Variants in NEIL3 observed in about 807,000 individuals in gnomAD.
NEIL3 encodes the protein nei like DNA glycosylase 3.
In NEIL3, 48 loss-of-function variants were observed where a neutral mutation model predicts 57.5. That is an observed-to-expected ratio of 0.83 (90% CI 0.66 to 1.06). The LOEUF (loss-of-function observed/expected upper bound fraction) is 1.06. Ranked by LOEUF, NEIL3 falls within the 50% of genes least tolerant of loss-of-function variation. The pLI is 0.00. For synonymous variants in NEIL3, 261 were observed against 253.2 expected, an observed-to-expected ratio of 1.03 and a Z score of -0.29; for missense variants, 717 against 739.1, an observed-to-expected ratio of 0.97 and a Z score of 0.35.
chr4:177,364,374 C>T (rs1735665303), downstream of NEIL3, among the ~76,000 whole-genome samples: 1 of 152,134 alleles, frequency 6.6e-6, no homozygotes, highest in Non-Finnish European at 1.5e-5. Context: ...GGTGATTTCC[C>T]ATTTTTTACA....
intron 9 of NEIL3, among the ~76,000 whole-genome samples, chr4:177,361,713 G>A (rs916089211): frequency 6.6e-6 from 1 of 151,726 alleles, no homozygotes; most frequent in Non-Finnish European, 1.5e-5. Context: ...GTCTGCGTAA[G>A]TATTTGATTC....
downstream of NEIL3, among the ~76,000 whole-genome samples, chr4:177,364,512 A>G (rs1374105775): frequency 6.6e-6 from 1 of 152,220 alleles, no homozygotes; most frequent in Non-Finnish European, 1.5e-5. Context: ...ACTGGGAAGT[A>G]AGGGGGAAAT....
At chr4:177,341,697 C>A in intron 6 of NEIL3, 55 bp downstream of exon 6, 1 of 1,436,212 alleles carries the variant, frequency 7.0e-7, no homozygotes. Flanking sequence ...AACTAAAAGG[C>A]TAATAATCTG....
At position 177,337,324 on chromosome 4, in the gene NEIL3, C is replaced by G. The variant is rs34034165; in HGVS notation, c.627+1003C>G. On this transcript the variant is annotated intron_variant, in intron 4 of 9. Transcript: ENST00000264596. ...GCTGAATTATTTTTTACATAATTGA[C>G]TCTATTAACTAAATTATCTTTTACA... 7.3e-3 allele frequency among the ~76,000 whole-genome samples: 1,107 copies of G among 152,140 alleles called. 12 individuals are homozygous for G. Among genetic ancestry groups the G allele is most frequent in the African/African-American group, 0.025 (1,035 of 41,498 alleles).
At chr4:177,338,928 A>G (rs1052500040) in intron 4 of NEIL3, among the ~76,000 whole-genome samples, 1 of 152,154 alleles carries the variant, frequency 6.6e-6, no homozygotes, top group Admixed American at 6.5e-5. Flanking sequence ...GAAGATGTCT[A>G]ATACAGAATA....
intron 1 of NEIL3, among the ~76,000 whole-genome samples, chr4:177,321,397 T>C (rs1734682102): frequency 6.6e-6 from 1 of 152,098 alleles, no homozygotes; most frequent in African/African-American, 2.4e-5. Context: ...TGTCTTAAGT[T>C]TTACATTTTT....
chr4:177,348,139 T>G (rs1735261481), intron 6 of NEIL3, among the ~76,000 whole-genome samples: 1 of 152,244 alleles, frequency 6.6e-6, no homozygotes, highest in Admixed American at 6.5e-5. Context: ...ACCAGCATTT[T>G]CTGAAGGGCT....
intron 2 of NEIL3, among the ~76,000 whole-genome samples, chr4:177,333,495 C>T (rs1287120111): frequency 6.6e-6 from 1 of 152,078 alleles, no homozygotes; most frequent in Admixed American, 6.6e-5. Context: ...ACTTTGGCAC[C>T]AAAAACTTCT....
chr4:177,320,648 T>C (rs1019243836), intron 1 of NEIL3, among the ~76,000 whole-genome samples: 4 of 151,232 alleles, frequency 2.6e-5, no homozygotes, highest in African/African-American at 9.7e-5. Flanking sequence ...CGGCTAATTT[T>C]TTTTGTATTT....
At chr4:177,330,748 A>T (rs1734869645) in intron 2 of NEIL3, among the ~76,000 whole-genome samples, 1 of 152,234 alleles carries the variant, frequency 6.6e-6, no homozygotes, top group African/African-American at 2.4e-5. Context: ...TATTTTATTA[A>T]CCTATACAAA....
Position 177,353,430 on chromosome 4 carries a change from A to G in NEIL3, c.1162A>G (p.Thr388Ala), listed in dbSNP as rs1241672361. 5.6e-6 allele frequency: 9 copies of G among 1,613,876 alleles called. No homozygotes were observed. In the African/African-American group the frequency reaches 6.7e-5, roughly 12 times the overall value. ...KINRKTAFGT[T>A]TLVLTDFSNK... ...CAACAGAAAAACTGCATTTGGAACT[A>G]CAACTCTTGTCTTGACTGATTTTAG... is the stretch of plus-strand genomic sequence containing the variant. The change falls in exon 8 of 10, where the codon ACA (threonine) becomes GCA (alanine). Residue 388 changes from threonine to alanine, a missense_variant. Transcript: ENST00000264596.
rs144866841 is a variant in NEIL3, at chr4:177,320,512, G to C, written c.157-1947G>C. On this transcript the variant is annotated intron_variant, in intron 1 of 9. Coordinates refer to ENST00000264596, the MANE Select transcript of NEIL3 (RefSeq NM_018248.3). ...TTTTTTTTTGAAACGGAGTCTCGCT[G>C]TGTCTCCCAGGCTGGTGTGCAGTGG... is the stretch of plus-strand genomic sequence containing the variant. Among the ~76,000 whole-genome samples the C allele has an allele frequency of 8.4e-4, 100 of 118,922 alleles. 1 individual carries two copies. Among genetic ancestry groups the C allele is most frequent in the African/African-American group, 2.9e-3 (89 of 30,810 alleles). The allele number at this position is 118,922 out of a possible 152,430, so 78.0% of individuals were successfully genotyped here. A position where few individuals can be genotyped will look rare whatever the true frequency, so the allele number is the denominator to read the frequency against.
chr4:177,331,436 C>T (rs1734882799), intron 2 of NEIL3, among the ~76,000 whole-genome samples: 1 of 151,240 alleles, frequency 6.6e-6, no homozygotes, highest in East Asian at 1.9e-4. Flanking sequence ...TATGTTAAAT[C>T]ATTAACATAT....
chr4:177,314,368 T>C (rs554214542), intron 1 of NEIL3, among the ~76,000 whole-genome samples: 79 of 152,352 alleles, frequency 5.2e-4, no homozygotes, highest in Non-Finnish European at 1.0e-3. Context: ...CATCTGATCA[T>C]CTTGATTTTG....
intron 1 of NEIL3, among the ~76,000 whole-genome samples, chr4:177,315,498 A>G (rs1000107506): frequency 3.9e-5 from 6 of 152,232 alleles, no homozygotes; most frequent in African/African-American, 1.4e-4. Context: ...GGGAAAGTCA[A>G]GTGTATATTG....
At chr4:177,326,962 G>T (rs996557496) in intron 2 of NEIL3, among the ~76,000 whole-genome samples, 2 of 152,108 alleles carry the variant, frequency 1.3e-5, no homozygotes, top group African/African-American at 4.8e-5. Context: ...ATTCCCATGT[G>T]TCGAGGTGTG....
chr4:177,352,790 A>G (rs964963311), intron 7 of NEIL3, among the ~76,000 whole-genome samples: 14 of 151,874 alleles, frequency 9.2e-5, no homozygotes, highest in African/African-American at 3.1e-4. Context: ...AGATCGCGCC[A>G]CTGCACTCCA....
intron 2 of NEIL3, among the ~76,000 whole-genome samples, chr4:177,324,986 T>TAGATA (rs1553986966): frequency 2.6e-5 from 4 of 152,054 alleles, no homozygotes; most frequent in South Asian, 4.1e-4. Context: ...GATAGATAGA[T>TAGATA]AAGTAAATAT....
intron 8 of NEIL3, chr4:177,354,106 G>T: frequency 5.7e-6 from 1 of 175,080 alleles, no homozygotes; most frequent in Non-Finnish European, 1.2e-5. Context: ...TTGTCCCTTG[G>T]TAAGGAAGTT....
Sources: allele counts gnomAD v4.1 joint callset (sites outside exome capture counted in the v4.1 genomes callset), GRCh38; gene constraint gnomAD v4.1.1; transcripts MANE v1.5; gene names NCBI Gene and HGNC (gene_info 2026-07-23, HGNC 2026-07-21).